PDCD11: variants seen among roughly 807,000 people sequenced by gnomAD.
PDCD11 encodes protein RRP5 homolog.
Under a neutral mutation model 198.9 loss-of-function variants are expected in PDCD11, and 97 were observed. The observed-to-expected ratio is 0.49, with a 90% CI of 0.41 to 0.58. The LOEUF (loss-of-function observed/expected upper bound fraction) is 0.58. PDCD11 is among the 20% of genes least tolerant of loss of function. PDCD11 has a pLI of 0.00. For missense variants in PDCD11, 2,102 were observed against 2,312.7 expected (o/e 0.91, Z 1.87); for synonymous variants, 893 against 918.0 (o/e 0.97, Z 0.49).
At chr10:103,420,926 A>G (rs1361630372) in intron 16 of PDCD11, among the ~76,000 whole-genome samples, 4 of 148,762 alleles carry the variant, frequency 2.7e-5, no homozygotes. Context: ...CCCAGGCTGG[A>G]GTGCAGTGGC....
chr10:103,414,903 A>T, intron 11 of PDCD11, 102 bp from the exon 12 acceptor site: 1 of 1,216,868 alleles, frequency 8.2e-7, no homozygotes, highest in Non-Finnish European at 1.2e-6. Context: ...CAGTTAGCCC[A>T]GGAAGTTGGC....
rs1438977053 is a variant in PDCD11, at chr10:103,425,404, T to C, written c.3184T>C (p.Cys1062Arg). ...VVTLEDGIIG[C>R]IHASHILDDV... Reference sequence around the variant, plus strand: ...GACTCTGGAAGATGGCATTATTGGCTGTATCCATGCCTCCCACATTCTAGA... The same window carrying C: ...GACTCTGGAAGATGGCATTATTGGCCGTATCCATGCCTCCCACATTCTAGA... Residue 1062 changes from cysteine to arginine, a missense_variant, in exon 20 of 36, where the codon TGT becomes CGT. Physicochemically the swap from Cys to Arg is radical, Grantham distance 180. Coordinates refer to ENST00000369797, the MANE Select transcript of PDCD11 (RefSeq NM_014976.2). 1 of 1,614,150 alleles carries C rather than the reference T, an allele frequency of 6.2e-7. No individual in the cohort carries two copies. The highest frequency in any genetic ancestry group is 1.3e-5 in the African/African-American group (1 of 75,034).
intron 8 of PDCD11, among the ~76,000 whole-genome samples, chr10:103,411,034 C>T (rs1228570685): frequency 6.6e-6 from 1 of 151,378 alleles, no homozygotes; most frequent in Admixed American, 6.6e-5. Flanking sequence ...GAGATTGTGC[C>T]ACTGCACCCC....
At chr10:103,413,435 A>T (rs896012338) in intron 9 of PDCD11, 113 bp downstream of exon 9, 1 of 796,902 alleles carries the variant, frequency 1.3e-6, no homozygotes, top group Non-Finnish European at 2.0e-6. Context: ...ATTTTTGGAT[A>T]TTGTAGTTCT....
chr10:103,407,673 G>A (rs1454467495), intron 7 of PDCD11, among the ~76,000 whole-genome samples: 1 of 152,068 alleles, frequency 6.6e-6, no homozygotes, highest in Non-Finnish European at 1.5e-5. Context: ...GCCTCCCAAA[G>A]TGCTGGGATT....
intron 21 of PDCD11, among the ~76,000 whole-genome samples, chr10:103,431,626 A>G (rs530575867): frequency 8.1e-6 from 1 of 123,500 alleles, no homozygotes; most frequent in South Asian, 2.9e-4. Context: ...GAATAAATGA[A>G]TGCTCATTTT....
Position 103,406,718 on chromosome 10 carries a change from T to G in PDCD11, c.798T>G (p.Ile266Met), listed in dbSNP as rs761337787. 5 of 1,614,216 alleles carry G rather than the reference T, an allele frequency of 3.1e-6. No individual in the cohort carries two copies. In the South Asian group the frequency reaches 4.4e-5, roughly 14 times the overall value. The change falls in exon 7 of 36, where the codon ATT becomes ATG. Residue 266 changes from isoleucine to methionine, a missense_variant. By Grantham distance (10) the Ile-to-Met change is conservative. Transcript: ENST00000369797. ...SVGHSEVSTA[I>M]ATEQQSWNLN... is the part of the protein sequence containing the mutation. ...GTCACTCAGAGGTTTCTACGGCCAT[T>G]GCTACTGAACAGCAGAGCTGGAACC...
chr10:103,409,590 G>A (rs1250559298), intron 7 of PDCD11, 109 bp from the exon 8 acceptor site: 2 of 718,898 alleles, frequency 2.8e-6, no homozygotes, highest in Non-Finnish European at 2.5e-6. Flanking sequence ...GGAGAGGAGA[G>A]ATACACAGTT....
intron 24 of PDCD11, 65 bp from the exon 25 acceptor site, chr10:103,434,733 C>T (rs1592137857): frequency 1.4e-6 from 2 of 1,394,036 alleles, no homozygotes; most frequent in East Asian, 2.4e-5. Flanking sequence ...CTGTGTGTGG[C>T]TGGCATTCCC....
intron 7 of PDCD11, among the ~76,000 whole-genome samples, chr10:103,407,548 G>A (rs1043685622): frequency 6.6e-6 from 1 of 151,944 alleles, no homozygotes; most frequent in African/African-American, 2.4e-5. Context: ...GGGCGACTGT[G>A]CGAGACTCCG....
At chr10:103,413,470 C>A in intron 9 of PDCD11, 148 bp downstream of exon 9, 1 of 659,268 alleles carries the variant, frequency 1.5e-6, no homozygotes, top group Non-Finnish European at 2.7e-6. Flanking sequence ...GTGATTAGAA[C>A]AATGTCTATT....
At chr10:103,414,159 T>A in intron 10 of PDCD11, 69 bp downstream of exon 10, 1 of 1,583,678 alleles carries the variant, frequency 6.3e-7, no homozygotes, top group Non-Finnish European at 8.6e-7. Context: ...CCATTTCTCC[T>A]GGCTGTGCTT....
Position 103,403,192 on chromosome 10 carries a change from C to T in PDCD11, c.309C>T (p.Pro103=). Residue 103 remains proline (P), a synonymous_variant, in exon 4 of 36, where the codon CCC becomes CCT. Coordinates refer to ENST00000369797, the MANE Select transcript of PDCD11 (RefSeq NM_014976.2). ...VNELELVISL[P]NGLQGFVQVT... is the part of the protein sequence containing the mutation. ...AACTGGAACTGGTGATTAGTCTCCC[C>T]AATGGCCTCCAGGGCTTTGTGCAAG... is the stretch of plus-strand genomic sequence containing the variant. 6.2e-7 allele frequency: 1 copy of T among 1,614,126 alleles called. No individual in the cohort carries two copies. Among genetic ancestry groups the T allele is most frequent in the Non-Finnish European group, 8.5e-7 (1 of 1,179,982 alleles).
chr10:103,433,527 T>G (rs957085827), intron 22 of PDCD11, among the ~76,000 whole-genome samples: 2 of 152,052 alleles, frequency 1.3e-5, no homozygotes, highest in Non-Finnish European at 2.9e-5. Context: ...GAGTGCATAT[T>G]TAGGGCAAGA....
In PDCD11 at chr10:103,434,798, G is replaced by C. The variant is rs780914624; in HGVS notation, c.3668G>C (p.Gly1223Ala). ...TGAATCAGGTTGGTTCTTCCACCAG[G>C]TCCTCACAAGCTTGAGGAAGGGGAA... ...SKTLLCLSLT[G>A]PHKLEEGEVA... The change falls in exon 25 of 36, where the codon GGT becomes GCT. Residue 1223 changes from glycine (G) to alanine (A), a missense_variant and splice_region_variant. Coordinates refer to ENST00000369797, the MANE Select transcript of PDCD11 (RefSeq NM_014976.2). 6.2e-7 allele frequency: 1 copy of C among 1,605,080 alleles called. No homozygotes were observed. Among genetic ancestry groups the C allele is most frequent in the South Asian group, 1.1e-5 (1 of 89,654 alleles).
intron 35 of PDCD11, among the ~76,000 whole-genome samples, chr10:103,444,972 T>C (rs1445425267): frequency 6.6e-6 from 1 of 152,258 alleles, no homozygotes; most frequent in Non-Finnish European, 1.5e-5. Context: ...ACAGGCATTC[T>C]CTTGCTTTTG....
intron 30 of PDCD11, 36 bp downstream of exon 30, chr10:103,440,886 C>A: frequency 6.8e-7 from 1 of 1,460,324 alleles, no homozygotes; most frequent in Non-Finnish European, 9.5e-7. Context: ...AAGGCTGCTC[C>A]AGGCAAGGGA....
Position 103,418,986 on chromosome 10 carries a change from T to TA in PDCD11, c.2106+352_2106+353insA, listed in dbSNP as rs2031274543. On this transcript the variant is annotated intron_variant, in intron 15 of 35. Transcript: ENST00000369797. ...AGGTGGCTTCTGTCCCCCTTTCCTCTTTTTTTTTTTCCCCTATGCCTTCTC... is the reference window on the plus strand; with the variant it reads ...AGGTGGCTTCTGTCCCCCTTTCCTCTATTTTTTTTTTCCCCTATGCCTTCTC... Among the ~76,000 whole-genome samples, 3 of 61,884 alleles carry TA rather than the reference T, an allele frequency of 4.8e-5. No homozygotes were observed. In the South Asian group the frequency reaches 3.4e-3, roughly 70 times the overall value. The allele number at this position is 61,884 out of a possible 152,430, so 40.6% of individuals were successfully genotyped here.
intron 22 of PDCD11, 52 bp downstream of exon 22, chr10:103,432,286 AG>A (rs1286585557): frequency 1.6e-6 from 2 of 1,280,898 alleles, no homozygotes; most frequent in Admixed American, 3.4e-5. Flanking sequence ...TTCAGAAAAA[AG>A]GTCATGACGT....
Sources: gnomAD v4.1 joint callset for allele counts (sites outside exome capture counted in the v4.1 genomes callset) on GRCh38, gnomAD v4.1.1 for gene constraint, MANE v1.5 for transcripts, NCBI Gene and HGNC (gene_info 2026-07-23, HGNC 2026-07-21) for gene names.